Variants in CCDC12 observed in about 807,000 individuals in gnomAD.
CCDC12 encodes coiled-coil domain containing 12.
Under a neutral mutation model 25.7 loss-of-function variants are expected in CCDC12, and 28 were observed. That is an observed-to-expected ratio of 1.09 (90% CI 0.81 to 1.50). The LOEUF (loss-of-function observed/expected upper bound fraction) is 1.50, where lower values mean the gene tolerates loss of function less well. Among genes scored for constraint, CCDC12 ranks in the 40% most tolerant of loss-of-function variants. The pLI, the probability that CCDC12 is intolerant of heterozygous loss-of-function variation, is 0.00. For missense variants in CCDC12, 198 were observed against 210.0 expected, an observed-to-expected ratio of 0.94 and a Z score of 0.35; for synonymous variants, 75 against 87.7, an observed-to-expected ratio of 0.86 and a Z score of 0.81.
chr3:46,961,375 G>C (rs565290056), intron 1 of CCDC12, among the ~76,000 whole-genome samples: 1 of 152,310 alleles, frequency 6.6e-6, no homozygotes, highest in Admixed American at 6.5e-5. Context: ...GCCCCAGTTT[G>C]AAACAACTGA....
chr3:46,954,414 T>C (rs1411652539), intron 1 of CCDC12, among the ~76,000 whole-genome samples: 4 of 152,160 alleles, frequency 2.6e-5, no homozygotes, highest in Admixed American at 1.3e-4. Context: ...CTGTAAATGA[T>C]ACCCTTTCGC....
intron 2 of CCDC12, among the ~76,000 whole-genome samples, chr3:46,930,432 T>C (rs75494450): frequency 6.6e-6 from 1 of 152,196 alleles, no homozygotes; most frequent in Admixed American, 6.5e-5. Flanking sequence ...CAAGCCATGC[T>C]TTTTTGGGGC....
At chr3:46,974,108 T>A (rs1209810158) in intron 1 of CCDC12, among the ~76,000 whole-genome samples, 1 of 152,162 alleles carries the variant, frequency 6.6e-6, no homozygotes, top group Non-Finnish European at 1.5e-5. Flanking sequence ...GGACAAATAC[T>A]GTATGATTTG....
chr3:46,946,686 G>T (rs1159101203), intron 1 of CCDC12, among the ~76,000 whole-genome samples: 1 of 152,226 alleles, frequency 6.6e-6, no homozygotes. Context: ...GAGGAACGGG[G>T]AAGACCAGAA....
intron 2 of CCDC12, among the ~76,000 whole-genome samples, chr3:46,937,444 G>A (rs1277232756): frequency 6.6e-6 from 1 of 152,160 alleles, no homozygotes; most frequent in African/African-American, 2.4e-5. Flanking sequence ...CCTGGCACCT[G>A]GGCTCAACCC....
intron 1 of CCDC12, among the ~76,000 whole-genome samples, chr3:46,953,962 T>C (rs933403301): frequency 6.6e-6 from 1 of 152,184 alleles, no homozygotes; most frequent in Admixed American, 6.5e-5. Flanking sequence ...CACTAGGACT[T>C]CCTCACCATT....
chr3:46,941,093 C>A (rs1174661026), intron 1 of CCDC12, 28 bp from the exon 2 acceptor site: 1 of 1,612,098 alleles, frequency 6.2e-7, no homozygotes, highest in Non-Finnish European at 8.5e-7. Context: ...AAACCACCAG[C>A]TCAGTTGAAA....
At chr3:46,967,597 C>T (rs894575073) in intron 1 of CCDC12, among the ~76,000 whole-genome samples, 1 of 152,178 alleles carries the variant, frequency 6.6e-6, no homozygotes, top group Admixed American at 6.5e-5. Context: ...AACACACACA[C>T]CACATTCCCA....
At position 46,970,094 on chromosome 3, in the gene CCDC12, T is replaced by C. The variant is rs147481713; in HGVS notation, c.96+6543A>G. ...TAATTTTTTGTATTTTTTGTGGAGA[T>C]GGGGATTTGTCATATTGCCCAGGCT... On this transcript the variant is annotated intron_variant, in intron 1 of 6. Coordinates refer to ENST00000683445, the MANE Select transcript of CCDC12 (RefSeq NM_001277074.2). 2.1e-3 allele frequency among the ~76,000 whole-genome samples: 322 copies of C among 151,994 alleles called. 3 individuals carry two copies. Among genetic ancestry groups the C allele is most frequent in the African/African-American group, 7.5e-3 (309 of 41,438 alleles).
At chr3:46,943,931 A>G (rs2107144227) in intron 1 of CCDC12, among the ~76,000 whole-genome samples, 1 of 152,342 alleles carries the variant, frequency 6.6e-6, no homozygotes, top group South Asian at 2.1e-4. Flanking sequence ...GGTGTACCTC[A>G]GCCTTCCTGA....
At position 46,922,124 on chromosome 3, in the gene CCDC12, C is replaced by T. The variant is rs557763609; in HGVS notation, c.434G>A (p.Gly145Asp). 4 of 1,614,282 alleles carry T rather than the reference C, an allele frequency of 2.5e-6. No homozygotes were observed. The highest frequency in any genetic ancestry group is 2.2e-5 in the South Asian group (2 of 91,092). The change falls in exon 7 of 7, where the codon GGC becomes GAC. Residue 145 changes from glycine to aspartate, a missense_variant. Gly to Asp is a moderately conservative substitution (Grantham distance 94, BLOSUM62 -1). Transcript: ENST00000683445. ...IAELIRERLKGQEDSLASAVD... is the reference protein window; with the variant it reads ...IAELIRERLKDQEDSLASAVD... ...TGCAGAGGCTAGGCTGTCTTCCTGG[C>T]CTTTCAGCCTTTCACCTGGGATGGA...
At chr3:46,943,283 G>A (rs1159564760) in intron 1 of CCDC12, among the ~76,000 whole-genome samples, 2 of 152,184 alleles carry the variant, frequency 1.3e-5, no homozygotes, top group Non-Finnish European at 2.9e-5. Flanking sequence ...CCTGACTAAA[G>A]ACTAGCCGAT....
At chr3:46,979,678 G>A (rs1053280573), upstream of CCDC12, 4 of 316,662 alleles carry the variant, frequency 1.3e-5, no homozygotes, top group East Asian at 9.4e-5. Flanking sequence ...TGAGGAGGAG[G>A]AGCGAGCAGA....
intron 1 of CCDC12, among the ~76,000 whole-genome samples, chr3:46,950,856 A>C (rs757400365): frequency 6.6e-6 from 1 of 152,226 alleles, no homozygotes; most frequent in Non-Finnish European, 1.5e-5. Flanking sequence ...TTGCAACAAC[A>C]TGGACAAATC....
intron 1 of CCDC12, among the ~76,000 whole-genome samples, chr3:46,971,834 A>C (rs1253880287): frequency 1.3e-5 from 2 of 152,224 alleles, no homozygotes; most frequent in Non-Finnish European, 2.9e-5. Flanking sequence ...CAGGCAGAGA[A>C]GGTGCTCAAT....
intron 5 of CCDC12, 173 bp from the exon 6 acceptor site, chr3:46,922,485 T>G: frequency 1.5e-6 from 1 of 657,842 alleles, no homozygotes; most frequent in Non-Finnish European, 2.6e-6. Context: ...AAACCCAGCA[T>G]AAACCATCAT....
At chr3:46,955,365 C>T (rs912271100) in intron 1 of CCDC12, among the ~76,000 whole-genome samples, 2 of 152,128 alleles carry the variant, frequency 1.3e-5, no homozygotes, top group African/African-American at 4.8e-5. Context: ...TCAGGGAAGT[C>T]AGGGGCAGGG....
At chr3:46,934,959 A>T (rs1427940086) in intron 2 of CCDC12, among the ~76,000 whole-genome samples, 1 of 152,192 alleles carries the variant, frequency 6.6e-6, no homozygotes, top group African/African-American at 2.4e-5. Context: ...TCTGTGATAC[A>T]CCCTGGTGTG....
At chr3:46,930,508 T>C (rs2033162569) in intron 2 of CCDC12, among the ~76,000 whole-genome samples, 1 of 152,142 alleles carries the variant, frequency 6.6e-6, no homozygotes. Context: ...TAAGACACTA[T>C]CCTTTGCACC....
Sources: gnomAD v4.1 joint callset for allele counts (sites outside exome capture counted in the v4.1 genomes callset) on GRCh38, gnomAD v4.1.1 for gene constraint, MANE v1.5 for transcripts, NCBI Gene and HGNC (gene_info 2026-07-23, HGNC 2026-07-21) for gene names.